CFAP20DC: variants seen among roughly 807,000 people sequenced by gnomAD.
CFAP20DC encodes protein CFAP20DC.
In CFAP20DC, 84 loss-of-function variants were observed where a neutral mutation model predicts 101.7. That is an observed-to-expected ratio of 0.83 (90% confidence interval 0.69 to 0.99). CFAP20DC has a LOEUF of 0.99. CFAP20DC is among the 50% of genes least tolerant of loss of function. CFAP20DC has a pLI of 0.00. For synonymous variants in CFAP20DC, 359 were observed against 351.2 expected, an observed-to-expected ratio of 1.02 and a Z score of -0.25; for missense variants, 1,007 against 970.3, an observed-to-expected ratio of 1.04 and a Z score of -0.50.
intron 15 of CFAP20DC, among the ~76,000 whole-genome samples, chr3:58,781,432 A>G (rs935935265): frequency 4.6e-5 from 7 of 151,978 alleles, no homozygotes; most frequent in African/African-American, 1.7e-4. Context: ...TAATAGAAGG[A>G]AAGAAATAAT....
intron 13 of CFAP20DC, among the ~76,000 whole-genome samples, chr3:58,837,457 C>T (rs961183782): frequency 3.3e-5 from 5 of 152,192 alleles, no homozygotes; most frequent in South Asian, 2.1e-4. Flanking sequence ...TTGTGAGGAA[C>T]GAATAGTGAC....
intron 4 of CFAP20DC, among the ~76,000 whole-genome samples, chr3:58,955,709 G>GT (rs1471726962): frequency 1.3e-5 from 2 of 151,976 alleles, no homozygotes; most frequent in East Asian, 3.9e-4. Context: ...GGGGGGGCAT[G>GT]TGACCTCTTG....
At chr3:58,811,861 A>T (rs960545501) in intron 14 of CFAP20DC, among the ~76,000 whole-genome samples, 4 of 152,150 alleles carry the variant, frequency 2.6e-5, no homozygotes, top group Admixed American at 1.3e-4. Flanking sequence ...ATTTACAAGA[A>T]AAAAAGAAAC....
chr3:58,848,470 T>C (rs1207320268), intron 13 of CFAP20DC, among the ~76,000 whole-genome samples: 2 of 152,102 alleles, frequency 1.3e-5, no homozygotes, highest in South Asian at 2.1e-4. Context: ...TATAGGGGAA[T>C]TGAAGGAAGA....
intron 15 of CFAP20DC, among the ~76,000 whole-genome samples, chr3:58,796,971 G>T (rs9822465): frequency 6.6e-6 from 1 of 152,076 alleles, no homozygotes; most frequent in Non-Finnish European, 1.5e-5. Flanking sequence ...TAGTAAATGC[G>T]GTTTGTATTC....
chr3:58,773,139 C>T (rs1193182915), intron 15 of CFAP20DC, among the ~76,000 whole-genome samples: 1 of 151,626 alleles, frequency 6.6e-6, no homozygotes, highest in Non-Finnish European at 1.5e-5. Context: ...GTGACAAATG[C>T]TTATGAAACA....
At chr3:58,736,573 T>A (rs913238657) in intron 3 of CFAP20DC, among the ~76,000 whole-genome samples, 2 of 152,222 alleles carry the variant, frequency 1.3e-5, no homozygotes, top group African/African-American at 4.8e-5. Context: ...ATAATTTTGC[T>A]TATCTCAGTT....
Position 59,049,847 on chromosome 3 carries a change from G to C in CFAP20DC, c.-216C>G, listed in dbSNP as rs1700174197. The C allele has an allele frequency of 1.6e-6, 1 of 611,640 alleles. No individual in the cohort carries two copies. The highest frequency in any genetic ancestry group is 3.0e-5 in the Admixed American group (1 of 33,324). 37.9% of individuals were successfully genotyped at this position (611,640 alleles called of 1,614,324 possible). A position where few individuals can be genotyped will look rare whatever the true frequency, so the allele number is the denominator to read the frequency against. On this transcript the variant is annotated 5_prime_UTR_variant, in exon 1 of 17. Coordinates refer to ENST00000482387, the MANE Select transcript of CFAP20DC (RefSeq NM_001394063.1). ...CTCCATCAGCACCATTGCGGCTCCA[G>C]CCTCCGCGGTGCCCGGGTCTGGGGA...
chr3:58,982,257 C>G (rs961458630), intron 4 of CFAP20DC, among the ~76,000 whole-genome samples: 5 of 152,096 alleles, frequency 3.3e-5, no homozygotes, highest in East Asian at 1.9e-4. Context: ...TACACTGTTG[C>G]TGGGACTGTA....
chr3:58,943,137 T>C (rs1202260560), intron 4 of CFAP20DC, among the ~76,000 whole-genome samples: 1 of 152,206 alleles, frequency 6.6e-6, no homozygotes. Context: ...AAGTGGTGGC[T>C]GTGGGTGCAG....
intron 6 of CFAP20DC, among the ~76,000 whole-genome samples, chr3:58,906,913 A>G (rs542249727): frequency 1.3e-5 from 2 of 152,292 alleles, no homozygotes; most frequent in South Asian, 4.1e-4. Context: ...TGGGCAACGG[A>G]GTGAGATCCT....
rs768183527 is a variant in CFAP20DC at position 58,831,719 on chromosome 3, G to A, written c.2142C>T (p.Asp714=). ...NCNVSISTSS[D]DTTTWNSCLP... Reference sequence around the variant, plus strand: ...GGCAGGAGTTCCAGGTGGTTGTGTCGTCACTGCTGGTACTTATGCTGACAT... The same window carrying A: ...GGCAGGAGTTCCAGGTGGTTGTGTCATCACTGCTGGTACTTATGCTGACAT... Residue 714 remains aspartate (D), a synonymous_variant, in exon 14 of 17, where the codon GAC becomes GAT. Coordinates refer to ENST00000482387, the MANE Select transcript of CFAP20DC (RefSeq NM_001394063.1). 1.7e-5 allele frequency: 28 copies of A among 1,613,978 alleles called. No homozygotes were observed. The highest frequency in any genetic ancestry group is 1.2e-4 in the South Asian group (11 of 91,074).
intron 5 of CFAP20DC, among the ~76,000 whole-genome samples, chr3:58,924,227 G>T (rs147182387): frequency 6.6e-6 from 1 of 151,884 alleles, no homozygotes; most frequent in Admixed American, 6.6e-5. Flanking sequence ...CCATTACCCC[G>T]CTTCTAGCCT....
chr3:58,853,342 A>G (rs1452595494), intron 12 of CFAP20DC, among the ~76,000 whole-genome samples: 17 of 152,206 alleles, frequency 1.1e-4, no homozygotes, highest in Non-Finnish European at 2.2e-4. Flanking sequence ...GCAATAATCA[A>G]TAGCTTACCA....
chr3:58,986,650 T>C (rs1201741707), intron 4 of CFAP20DC, among the ~76,000 whole-genome samples: 2 of 152,180 alleles, frequency 1.3e-5, no homozygotes, highest in Non-Finnish European at 2.9e-5. Context: ...TGACCTGAGT[T>C]TGACTTTAAA....
intron 15 of CFAP20DC, among the ~76,000 whole-genome samples, chr3:58,764,929 G>A (rs1010491024): frequency 2.0e-4 from 30 of 152,126 alleles, no homozygotes; most frequent in African/African-American, 7.2e-4. Flanking sequence ...TTCAAGAGTC[G>A]AGACCATGGA....
At chr3:58,924,315 A>C (rs192387992) in intron 5 of CFAP20DC, among the ~76,000 whole-genome samples, 193 of 152,222 alleles carry the variant, frequency 1.3e-3, no homozygotes, top group Non-Finnish European at 1.9e-3. Context: ...GCTCCCATTT[A>C]TGAGTAAGAA....
intron 3 of CFAP20DC, among the ~76,000 whole-genome samples, chr3:59,043,782 A>G (rs1364046673): frequency 6.6e-6 from 1 of 152,216 alleles, no homozygotes; most frequent in African/African-American, 2.4e-5. Flanking sequence ...AGTGAAGAGC[A>G]GCAGGGATTT....
At chr3:58,781,759 C>A (rs1263893357) in intron 15 of CFAP20DC, among the ~76,000 whole-genome samples, 1 of 152,036 alleles carries the variant, frequency 6.6e-6, no homozygotes, top group Non-Finnish European at 1.5e-5. Context: ...CTGAACAGAA[C>A]AATAACAAGT....
Sources: gnomAD v4.1 joint callset for allele counts (sites outside exome capture counted in the v4.1 genomes callset) on GRCh38, gnomAD v4.1.1 for gene constraint, MANE v1.5 for transcripts, NCBI Gene and HGNC (gene_info 2026-07-23, HGNC 2026-07-21) for gene names.